The following SYNPO variants were observed in gnomAD, a reference collection of about 807,000 sequenced individuals.
SYNPO encodes the protein synaptopodin.
A neutral mutation model predicts 49.5 loss-of-function variants in SYNPO; 19 were observed. The ratio of observed to expected loss-of-function variants is 0.38; its 90% CI spans 0.27 to 0.56. The LOEUF (loss-of-function observed/expected upper bound fraction) is 0.56, where lower values mean the gene tolerates loss of function less well. Ranked by LOEUF, SYNPO falls within the 20% of genes least tolerant of loss-of-function variation. The pLI, the probability that SYNPO is intolerant of heterozygous loss-of-function variation, is 0.68. For missense variants in SYNPO, 1,131 were observed against 1,248.3 expected (o/e 0.91, Z 1.42); for synonymous variants, 536 against 548.0 (o/e 0.98, Z 0.31).
At position 150,649,706 on chromosome 5, in the gene SYNPO, T is replaced by C. The variant is rs1380293252; in HGVS notation, c.1431T>C (p.Ser477=). ...PKPNQNLSEA[S]GKGAELYARR... is the part of the protein sequence containing the mutation. ...CCAACCAGAACCTCTCCGAGGCCTC[T>C]GGGAAGGGAGCTGAGCTCTACGCCC... The change falls in exon 2 of 3, where the codon TCT becomes TCC. Residue 477 remains serine, a synonymous_variant. Coordinates refer to ENST00000307662, the MANE Select transcript of SYNPO (RefSeq NM_007286.6). The C allele has an allele frequency of 6.2e-7, 1 of 1,612,270 alleles. No individual in the cohort carries two copies. Among genetic ancestry groups the C allele is most frequent in the Non-Finnish European group, 8.5e-7 (1 of 1,179,980 alleles).
Position 150,657,396 on chromosome 5 carries a change from A to C in SYNPO, c.*309A>C. 2.6e-6 allele frequency: 1 copy of C among 391,942 alleles called. No individual in the cohort carries two copies. The highest frequency in any genetic ancestry group is 4.7e-6 in the Non-Finnish European group (1 of 213,022). The allele number at this position is 391,942 out of a possible 1,614,324, so 24.3% of individuals were successfully genotyped here. ...CCCCTTCCCATCAGTACACACACCG[A>C]TGCACACACACTCTCTCTTTCTCTC... On this transcript the variant is annotated 3_prime_UTR_variant, in exon 3 of 3. Transcript: ENST00000307662.
upstream of SYNPO, among the ~76,000 whole-genome samples, chr5:150,597,032 T>G (rs966328679): frequency 1.3e-5 from 2 of 152,236 alleles, no homozygotes; most frequent in Non-Finnish European, 2.9e-5. Context: ...CCTAGTGCTG[T>G]GTCTCAATAA....
At chr5:150,625,950 C>T (rs1490254669) in intron 2 of SYNPO, among the ~76,000 whole-genome samples, 2 of 152,206 alleles carry the variant, frequency 1.3e-5, no homozygotes, top group Admixed American at 6.5e-5. Context: ...TCTTGGCCTC[C>T]GGTGAGAGGG....
intron 1 of SYNPO, among the ~76,000 whole-genome samples, chr5:150,606,044 C>G (rs899045971): frequency 1.3e-5 from 2 of 152,216 alleles, no homozygotes; most frequent in African/African-American, 4.8e-5. Flanking sequence ...TACAGACACA[C>G]AGATACACGC....
chr5:150,588,663 G>A, the SYNPO span, among the ~76,000 whole-genome samples: 1 of 151,980 alleles, frequency 6.6e-6, no homozygotes, highest in Non-Finnish European at 1.5e-5. Context: ...TGGGGTGCAG[G>A]AAGGGGGCAG....
Position 150,649,657 on chromosome 5 carries a change from T to C in SYNPO, c.1382T>C (p.Ile461Thr). ...GCCTCCTGCCTCAAGTCACCCCGCA[T>C]CCAGGCCAAGCCGAAGCCCAAACCC... ...EWASCLKSPR[I>T]QAKPKPKPNQ... Residue 461 changes from isoleucine (I) to threonine (T), a missense_variant, in exon 2 of 3, where the codon ATC becomes ACC. Ile to Thr is a moderately conservative substitution (Grantham distance 89, BLOSUM62 -1). This residue lies in a region of SYNPO where 602 missense variants were observed against 720.7 expected (regional missense o/e 0.84). Coordinates refer to ENST00000307662, the MANE Select transcript of SYNPO (RefSeq NM_007286.6). 1 of 1,609,568 alleles carries C rather than the reference T, an allele frequency of 6.2e-7. No homozygotes were observed. Among genetic ancestry groups the C allele is most frequent in the Non-Finnish European group, 8.5e-7 (1 of 1,179,936 alleles).
intron 1 of SYNPO, among the ~76,000 whole-genome samples, chr5:150,641,090 C>T (rs531321613): frequency 5.4e-4 from 82 of 152,318 alleles, no homozygotes; most frequent in Middle Eastern, 6.8e-3. Context: ...TTGTTCTCCT[C>T]CCAAGAGGAG....
At chr5:150,651,093 G>A (rs1758364590) in intron 2 of SYNPO, 5 of 1,118,450 alleles carry the variant, frequency 4.5e-6, no homozygotes, top group Non-Finnish European at 5.5e-6. Flanking sequence ...CTCTAGGGGT[G>A]GGGGACGTCC....
upstream of SYNPO, among the ~76,000 whole-genome samples, chr5:150,599,125 G>C (rs1351269194): frequency 2.0e-5 from 3 of 152,244 alleles, no homozygotes; most frequent in Non-Finnish European, 4.4e-5. Context: ...TTAATGCCAG[G>C]ATCCATTCTC....
At chr5:150,588,793 T>A in the SYNPO span, among the ~76,000 whole-genome samples, 1 of 152,090 alleles carries the variant, frequency 6.6e-6, no homozygotes, top group Middle Eastern at 3.2e-3. Flanking sequence ...TTTAAAGGTG[T>A]TCACACTTTT....
chr5:150,644,613 A>T (rs920157052), intron 1 of SYNPO, among the ~76,000 whole-genome samples: 5 of 152,194 alleles, frequency 3.3e-5, no homozygotes, highest in Admixed American at 1.3e-4. Context: ...CCCAACACTC[A>T]TGTCAAGTTA....
the SYNPO span, among the ~76,000 whole-genome samples, chr5:150,586,567 T>A: frequency 7.5e-6 from 1 of 133,778 alleles, no homozygotes; most frequent in African/African-American, 3.4e-5. Context: ...GACGGGTGGA[T>A]GGAAGGATGG....
intron 1 of SYNPO, among the ~76,000 whole-genome samples, chr5:150,615,823 G>C (rs575711241): frequency 3.3e-5 from 5 of 152,316 alleles, no homozygotes; most frequent in African/African-American, 9.6e-5. Flanking sequence ...ATCCCAGCCT[G>C]GCCACTTATT....
intron 1 of SYNPO, among the ~76,000 whole-genome samples, chr5:150,613,225 A>C (rs1756897573): frequency 6.6e-6 from 1 of 152,126 alleles, no homozygotes; most frequent in Non-Finnish European, 1.5e-5. Context: ...CCAAACCTAC[A>C]GAGCTGGGCC....
intron 2 of SYNPO, among the ~76,000 whole-genome samples, chr5:150,622,321 A>G (rs972408094): frequency 3.3e-5 from 5 of 152,158 alleles, no homozygotes; most frequent in Non-Finnish European, 5.9e-5. Context: ...CACCCTCTCT[A>G]CTGCCTGTCT....
At chr5:150,654,096 T>G (rs1758480230) in intron 2 of SYNPO, 1 of 152,142 alleles carries the variant, frequency 6.6e-6, no homozygotes, top group African/African-American at 2.4e-5. Flanking sequence ...GATCACTGAT[T>G]GGATGAAAGA....
Position 150,648,456 on chromosome 5 carries a change from G to A in SYNPO, c.181G>A (p.Glu61Lys). Residue 61 changes from glutamate (E) to lysine (K), a missense_variant, in exon 2 of 3, where the codon GAG becomes AAG. Physicochemically the swap from Glu to Lys is moderately conservative, Grantham distance 56. Around this residue, in one of 4 missense-constraint regions of SYNPO, gnomAD observed 602 missense variants for 720.7 expected, o/e 0.84. Transcript: ENST00000307662. This position sits in a 1 kb window ranked among gnomAD's most constrained non-coding sequence, Gnocchi z 5.0. ...QQSSPAPPPA[E>K]VHSPAADVNQ... The stretch of plus-strand genomic sequence containing the variant: ...GTCCTCACCGGCCCCACCTCCAGCT[G>A]AGGTCCACAGCCCAGCTGCAGATGT... 6.2e-7 allele frequency: 1 copy of A among 1,614,180 alleles called. No individual in the cohort carries two copies. The highest frequency in any genetic ancestry group is 8.5e-7 in the Non-Finnish European group (1 of 1,180,040).
At chr5:150,611,865 C>T (rs540062479) in intron 1 of SYNPO, among the ~76,000 whole-genome samples, 5 of 152,274 alleles carry the variant, frequency 3.3e-5, no homozygotes, top group East Asian at 1.9e-4. Flanking sequence ...TTGCTGCTAC[C>T]GCTCCCACTA....
At chr5:150,626,759 A>C (rs1279046906) in intron 2 of SYNPO, among the ~76,000 whole-genome samples, 1 of 152,074 alleles carries the variant, frequency 6.6e-6, no homozygotes, top group Admixed American at 6.5e-5. Context: ...AATTGGGGAG[A>C]CTGGGGCCAA....
Sources: gnomAD v4.1 joint callset for allele counts (sites outside exome capture counted in the v4.1 genomes callset) on GRCh38, gnomAD v4.1.1 for gene constraint, gnomAD v4.1.1 regional missense constraint, Gnocchi (gnomAD v3.1) non-coding constraint, MANE v1.5 for transcripts, NCBI Gene and HGNC (gene_info 2026-07-23, HGNC 2026-07-21) for gene names.